PDZD2: variants seen among roughly 807,000 people sequenced by gnomAD.
PDZD2 encodes PDZ domain-containing protein 2.
Under a neutral mutation model 220.7 loss-of-function variants are expected in PDZD2, and 90 were observed. The observed-to-expected ratio is 0.41, with a 90% CI of 0.34 to 0.49. PDZD2 has a LOEUF of 0.49. Among genes scored for constraint, PDZD2 ranks in the 20% least tolerant of loss-of-function variants. PDZD2 has a pLI of 0.28. For missense variants in PDZD2, 3,174 were observed against 3,608.5 expected, an observed-to-expected ratio of 0.88 and a Z score of 3.08; for synonymous variants, 1,375 against 1,450.5, an observed-to-expected ratio of 0.95 and a Z score of 1.18.
At position 32,082,147 on chromosome 5, in the gene PDZD2, G is replaced by T. The variant is rs59772513; in HGVS notation, c.3682+4541G>T. 2.8e-3 allele frequency among the ~76,000 whole-genome samples: 420 copies of T among 151,496 alleles called. 2 individuals carry two copies. The highest frequency in any genetic ancestry group is 9.9e-3 in the African/African-American group (409 of 41,252). On this transcript the variant is annotated intron_variant, in intron 19 of 24. Coordinates refer to ENST00000438447, the MANE Select transcript of PDZD2 (RefSeq NM_178140.4). Reference sequence around the variant, plus strand: ...AGCAATTCTCCTGCCTCAGCCTCCTGAGTAGCTTGGATTACAGGCGCCCAC... The same window carrying T: ...AGCAATTCTCCTGCCTCAGCCTCCTTAGTAGCTTGGATTACAGGCGCCCAC...
intron 2 of PDZD2, among the ~76,000 whole-genome samples, chr5:31,871,184 CAT>C (rs1462306065): frequency 1.3e-5 from 2 of 152,088 alleles, no homozygotes; most frequent in African/African-American, 4.8e-5. Context: ...TTAAGTGTAT[CAT>C]ATTTTAATAT....
chr5:31,795,739 G>C (rs56186973), intron 1 of PDZD2, among the ~76,000 whole-genome samples: 1 of 152,094 alleles, frequency 6.6e-6, no homozygotes. Context: ...CTTTTCTTAC[G>C]CCCTGAATCA....
intron 6 of PDZD2, among the ~76,000 whole-genome samples, chr5:32,027,971 T>G (rs1754805500): frequency 9.4e-6 from 1 of 106,022 alleles, no homozygotes; most frequent in African/African-American, 3.2e-5. Flanking sequence ...CTATGGACAC[T>G]GACCGGGGAA....
At chr5:31,655,855 T>G (rs74424454) in intron 1 of PDZD2, among the ~76,000 whole-genome samples, 2,580 of 152,358 alleles carry the variant, frequency 0.017, 70 homozygotes, top group African/African-American at 0.059. Flanking sequence ...TTAAGGACTT[T>G]GCCTCTGTGG....
chr5:31,652,202 A>T (rs1745380881), intron 1 of PDZD2, among the ~76,000 whole-genome samples: 4 of 151,700 alleles, frequency 2.6e-5, no homozygotes, highest in Admixed American at 2.0e-4. Flanking sequence ...CATGTTACCC[A>T]GGCTGGTCTT....
intron 6 of PDZD2, among the ~76,000 whole-genome samples, chr5:32,036,844 G>A (rs1457373900): frequency 6.6e-6 from 1 of 152,270 alleles, no homozygotes; most frequent in Non-Finnish European, 1.5e-5. Flanking sequence ...CAGGTCAAGA[G>A]ACCTGGGCTT....
intron 2 of PDZD2, among the ~76,000 whole-genome samples, chr5:31,862,101 GTTTTTTTTTTTTT>G (rs11417935): frequency 4.8e-4 from 38 of 78,500 alleles, no homozygotes; most frequent in African/African-American, 1.8e-3. Flanking sequence ...TTTTTTTTGG[GTTTTTTTTTTTTT>G]TTTTTTTTTG....
In PDZD2 at chr5:31,799,630, A is replaced by G; in HGVS notation, c.382A>G (p.Ser128Gly). The change falls in exon 2 of 25, where the codon AGC becomes GGC. Residue 128 changes from serine to glycine, a missense_variant. By Grantham distance (56) the Ser-to-Gly change is moderately conservative. Around this residue, in one of 4 missense-constraint regions of PDZD2, gnomAD observed 632 missense variants for 708.1 expected, o/e 0.89. Coordinates refer to ENST00000438447, the MANE Select transcript of PDZD2 (RefSeq NM_178140.4). ...CTGGGTGACAGAGCTGAGGAAGAACAGCCCAGCAGGGAAGAGTGGGAAGGT... is the reference window on the plus strand; with the variant it reads ...CTGGGTGACAGAGCTGAGGAAGAACGGCCCAGCAGGGAAGAGTGGGAAGGT... ...CIWVTELRKN[S>G]PAGKSGKVRL... The G allele has an allele frequency of 6.2e-7, 1 of 1,614,132 alleles. No individual in the cohort carries two copies. Among genetic ancestry groups the G allele is most frequent in the Non-Finnish European group, 8.5e-7 (1 of 1,179,982 alleles).
intron 2 of PDZD2, among the ~76,000 whole-genome samples, chr5:31,858,872 C>A (rs1758688651): frequency 6.6e-6 from 1 of 152,224 alleles, no homozygotes; most frequent in South Asian, 2.1e-4. Context: ...GCATGCATCA[C>A]CTTGCCCAGC....
intron 2 of PDZD2, among the ~76,000 whole-genome samples, chr5:31,850,442 A>T (rs556300630): frequency 6.6e-6 from 1 of 151,654 alleles, no homozygotes; most frequent in Non-Finnish European, 1.5e-5. Flanking sequence ...ATGGAATAAC[A>T]GTGGAACGCT....
intron 6 of PDZD2, among the ~76,000 whole-genome samples, chr5:32,012,050 C>T (rs1007148939): frequency 6.6e-6 from 1 of 152,206 alleles, no homozygotes; most frequent in African/African-American, 2.4e-5. Flanking sequence ...CAACAGCAGA[C>T]TTCAGCTCCA....
chr5:31,916,784 A>T (rs1234190779), intron 2 of PDZD2, among the ~76,000 whole-genome samples: 2 of 152,158 alleles, frequency 1.3e-5, no homozygotes, highest in Non-Finnish European at 2.9e-5. Flanking sequence ...AGAGGTAAAA[A>T]TTAGTGTCCA....
intron 1 of PDZD2, among the ~76,000 whole-genome samples, chr5:31,641,610 C>T (rs1490840520): frequency 2.0e-5 from 3 of 151,998 alleles, no homozygotes; most frequent in Non-Finnish European, 1.5e-5. Flanking sequence ...CCACCTCAGC[C>T]TCCTGAGTAA....
At chr5:32,102,229 G>C (rs151122275) in intron 24 of PDZD2, among the ~76,000 whole-genome samples, 3 of 152,080 alleles carry the variant, frequency 2.0e-5, no homozygotes, top group Non-Finnish European at 4.4e-5. Context: ...CAGAGGAAGC[G>C]GAGGATGACA....
chr5:31,812,397 T>G (rs1755176562), intron 2 of PDZD2, among the ~76,000 whole-genome samples: 1 of 152,182 alleles, frequency 6.6e-6, no homozygotes, highest in Non-Finnish European at 1.5e-5. Flanking sequence ...GTGTAGTCCA[T>G]GACATATGCT....
At chr5:31,880,986 G>C (rs140278831) in intron 2 of PDZD2, among the ~76,000 whole-genome samples, 2 of 151,420 alleles carry the variant, frequency 1.3e-5, no homozygotes, top group Non-Finnish European at 2.9e-5. Flanking sequence ...ATTTTTAGTA[G>C]AGACGGGGTT....
intron 24 of PDZD2, chr5:32,103,635 A>G (rs977457134): frequency 1.3e-5 from 2 of 152,248 alleles, no homozygotes; most frequent in African/African-American, 4.8e-5. Context: ...TAGGGTAGCT[A>G]AAATGGAGGT....
intron 15 of PDZD2, among the ~76,000 whole-genome samples, chr5:32,070,146 A>T (rs892851181): frequency 5.9e-5 from 9 of 152,206 alleles, no homozygotes; most frequent in Non-Finnish European, 8.8e-5. Flanking sequence ...TATGAATTTA[A>T]AATATGAAAC....
chr5:32,031,602 T>G (rs1755124577), intron 6 of PDZD2, among the ~76,000 whole-genome samples: 1 of 152,218 alleles, frequency 6.6e-6, no homozygotes, highest in Non-Finnish European at 1.5e-5. Flanking sequence ...TCTGCCACTT[T>G]CCATAGGTAT....
Sources: gnomAD v4.1 joint callset for allele counts (sites outside exome capture counted in the v4.1 genomes callset) on GRCh38, gnomAD v4.1.1 for gene constraint, gnomAD v4.1.1 regional missense constraint, MANE v1.5 for transcripts, NCBI Gene and HGNC (gene_info 2026-07-23, HGNC 2026-07-21) for gene names.